Variants in DCDC2 observed in about 807,000 individuals in gnomAD.
The protein encoded by DCDC2 is doublecortin domain-containing protein 2.
Under a neutral mutation model 50.2 loss-of-function variants are expected in DCDC2, and 40 were observed. That is an observed-to-expected ratio of 0.80 (90% CI 0.62 to 1.04). DCDC2 has a LOEUF of 1.04. Among genes scored for constraint, DCDC2 ranks in the 50% least tolerant of loss-of-function variants. The pLI is 0.00. For synonymous variants in DCDC2, 234 were observed against 210.6 expected, an observed-to-expected ratio of 1.11 and a Z score of -0.96; for missense variants, 570 against 581.9, an observed-to-expected ratio of 0.98 and a Z score of 0.21.
chr6:24,197,576 T>A (rs1761473916), intron 8 of DCDC2, among the ~76,000 whole-genome samples: 1 of 152,206 alleles, frequency 6.6e-6, no homozygotes, highest in Non-Finnish European at 1.5e-5. Flanking sequence ...TTATGAAAAA[T>A]TATTAGTTAT....
intron 7 of DCDC2, among the ~76,000 whole-genome samples, chr6:24,241,870 A>C (rs1762569476): frequency 6.6e-6 from 1 of 152,222 alleles, no homozygotes; most frequent in Admixed American, 6.5e-5. Flanking sequence ...GGAAAATACA[A>C]TATTCTCAAA....
the DCDC2 span, among the ~76,000 whole-genome samples, chr6:24,377,234 T>C: frequency 6.6e-6 from 1 of 152,348 alleles, no homozygotes; most frequent in East Asian, 1.9e-4. Flanking sequence ...CCAGATAGCA[T>C]GTAGATGTGA....
At chr6:24,192,153 GC>G (rs897744731) in intron 8 of DCDC2, among the ~76,000 whole-genome samples, 1 of 152,160 alleles carries the variant, frequency 6.6e-6, no homozygotes, top group African/African-American at 2.4e-5. Context: ...CTCAAGTATA[GC>G]TCAGAACAAG....
intron 6 of DCDC2, among the ~76,000 whole-genome samples, chr6:24,286,736 C>T (rs1450214305): frequency 2.6e-5 from 4 of 152,144 alleles, no homozygotes; most frequent in African/African-American, 7.2e-5. Context: ...TTTGAAATTA[C>T]GTAGGTCATT....
At chr6:24,319,286 G>C (rs1208809821) in intron 2 of DCDC2, among the ~76,000 whole-genome samples, 2 of 53,534 alleles carry the variant, frequency 3.7e-5, no homozygotes, top group African/African-American at 1.0e-4. Context: ...TTATTTGTGG[G>C]GTTTTTTTTT....
At chr6:24,191,740 C>T (rs796937336) in intron 8 of DCDC2, among the ~76,000 whole-genome samples, 1 of 152,102 alleles carries the variant, frequency 6.6e-6, no homozygotes, top group Non-Finnish European at 1.5e-5. Flanking sequence ...TTTTTCTTAG[C>T]TCCCTTCTGA....
chr6:24,382,789 T>A, the DCDC2 span, among the ~76,000 whole-genome samples: 1 of 152,204 alleles, frequency 6.6e-6, no homozygotes, highest in African/African-American at 2.4e-5. Flanking sequence ...CACTATCCTT[T>A]AATACCAACA....
At chr6:24,237,739 A>G (rs546945677) in intron 7 of DCDC2, among the ~76,000 whole-genome samples, 10 of 152,328 alleles carry the variant, frequency 6.6e-5, no homozygotes, top group Admixed American at 3.9e-4. Flanking sequence ...CAATGCAGCC[A>G]TAAAAAAGAA....
intron 2 of DCDC2, among the ~76,000 whole-genome samples, chr6:24,327,313 T>C (rs897446931): frequency 3.3e-5 from 5 of 149,590 alleles, no homozygotes; most frequent in African/African-American, 1.2e-4. Context: ...TGACACTTTG[T>C]TAATCTTGCT....
chr6:24,205,619 C>A lies in DCDC2; in HGVS notation c.923-517G>T, dbSNP rs540235894. On this transcript the variant is annotated intron_variant, in intron 7 of 9. Coordinates refer to ENST00000378454, the MANE Select transcript of DCDC2 (RefSeq NM_016356.5). ...ATAGAGTTGACTTTCCATATCTCAC[C>A]AAAAAATCAGTATCATTTATTCTGC... Among the ~76,000 whole-genome samples, 3 of 151,888 alleles carry A rather than the reference C, an allele frequency of 2.0e-5. No individual in the cohort carries two copies. The South Asian group carries it at 6.2e-4, about 32-fold the overall frequency.
rs4305716 is a variant in DCDC2, at chr6:24,256,065, A to G, written c.922+21984T>C. Among the ~76,000 whole-genome samples the G allele has an allele frequency of 8.4e-3, 1,283 of 152,336 alleles. 9 individuals are homozygous for G. Among genetic ancestry groups the G allele is most frequent in the African/African-American group, 0.015 (611 of 41,578 alleles). On this transcript the variant is annotated intron_variant, in intron 7 of 9. Coordinates refer to ENST00000378454, the MANE Select transcript of DCDC2 (RefSeq NM_016356.5). ...TCCCATGCTGCTATATAAGAATAAC[A>G]AACTATTGTTATGGTCAACAAAATA...
chr6:24,245,329 C>T (rs1762647200), intron 7 of DCDC2, among the ~76,000 whole-genome samples: 2 of 152,132 alleles, frequency 1.3e-5, no homozygotes, highest in Non-Finnish European at 2.9e-5. Context: ...GAACCCAGAT[C>T]CCAGCATAAA....
At chr6:24,208,397 G>A (rs1268084232) in intron 7 of DCDC2, among the ~76,000 whole-genome samples, 1 of 124,442 alleles carries the variant, frequency 8.0e-6, no homozygotes, top group South Asian at 2.6e-4. Flanking sequence ...TTGAGATGGA[G>A]TCTCACTCTG....
intron 4 of DCDC2, among the ~76,000 whole-genome samples, chr6:24,298,047 A>G (rs1377365486): frequency 6.6e-6 from 1 of 152,250 alleles, no homozygotes; most frequent in African/African-American, 2.4e-5. Context: ...GGTTTTGCGG[A>G]AGATAATTTC....
chr6:24,301,728 C>T lies in DCDC2; in HGVS notation c.544G>A (p.Gly182Arg), dbSNP rs752020799. 6 of 1,613,978 alleles carry T rather than the reference C, an allele frequency of 3.7e-6. No individual in the cohort carries two copies. Among genetic ancestry groups the T allele is most frequent in the Admixed American group, 1.7e-5 (1 of 59,990 alleles). ...MVTEKITLRS[G>R]AVHRLYTLEG... ...GTTTTGACATACCTGTGAACAGCCC[C>T]GCTCCTCAGAGTGATTTTTTCTGTG... Residue 182 changes from glycine to arginine, a missense_variant, in exon 4 of 10, where the codon GGG (glycine) becomes AGG (arginine). Gly to Arg is a moderately radical substitution (Grantham distance 125). Transcript: ENST00000378454.
intron 7 of DCDC2, among the ~76,000 whole-genome samples, chr6:24,269,927 C>T (rs1048930850): frequency 2.0e-5 from 3 of 151,690 alleles, no homozygotes; most frequent in African/African-American, 4.9e-5. Flanking sequence ...TGACTAACTC[C>T]GACCACCTAG....
intron 7 of DCDC2, among the ~76,000 whole-genome samples, chr6:24,235,814 TG>T (rs1158251204): frequency 1.3e-5 from 2 of 152,052 alleles, no homozygotes; most frequent in Non-Finnish European, 2.9e-5. Context: ...ACACCAATAA[TG>T]TACAAGCTGA....
rs369578703 is a variant in DCDC2 at position 24,357,520 on chromosome 6, T to G, written c.231A>C (p.Leu77=). ...AATTGCCCCCGCTCTGGATCTGGTCTAGCTTCCGGATTCGGTGGCCAGTCC... is the reference window on the plus strand; with the variant it reads ...AATTGCCCCCGCTCTGGATCTGGTCGAGCTTCCGGATTCGGTGGCCAGTCC... ...TPRTGHRIRK[L]DQIQSGGNYV... Residue 77 remains leucine, a synonymous_variant, in exon 1 of 10, where the codon CTA becomes CTC. Coordinates refer to ENST00000378454, the MANE Select transcript of DCDC2 (RefSeq NM_016356.5). 1.2e-6 allele frequency: 2 copies of G among 1,613,558 alleles called. No individual in the cohort carries two copies. Among genetic ancestry groups the G allele is most frequent in the African/African-American group, 1.3e-5 (1 of 75,068 alleles).
intron 4 of DCDC2, among the ~76,000 whole-genome samples, chr6:24,291,885 T>C (rs191276554): frequency 2.0e-5 from 3 of 152,144 alleles, no homozygotes; most frequent in African/African-American, 7.2e-5. Context: ...AAATATTACA[T>C]ACAAACACAC....
Sources: allele counts gnomAD v4.1 joint callset (sites outside exome capture counted in the v4.1 genomes callset), GRCh38; gene constraint gnomAD v4.1.1; transcripts MANE v1.5; gene names NCBI Gene and HGNC (gene_info 2026-07-23, HGNC 2026-07-21).